The following METTL15 variants were observed in gnomAD, a reference collection of about 807,000 sequenced individuals.
METTL15 encodes 12S rRNA N(4)-cytidine methyltransferase METTL15.
Under a neutral mutation model 38.3 loss-of-function variants are expected in METTL15, and 34 were observed. The observed-to-expected ratio is 0.89, with a 90% confidence interval of 0.68 to 1.18. METTL15 has a LOEUF of 1.18. Ranked by LOEUF, METTL15 falls within the 50% of genes most tolerant of loss-of-function variation. METTL15 has a pLI of 0.00. For synonymous variants in METTL15, 162 were observed against 170.9 expected, an observed-to-expected ratio of 0.95 and a Z score of 0.41; for missense variants, 438 against 498.4, an observed-to-expected ratio of 0.88 and a Z score of 1.15.
intron 6 of METTL15, among the ~76,000 whole-genome samples, chr11:28,305,117 T>A (rs1039945876): frequency 1.3e-5 from 2 of 152,228 alleles, no homozygotes; most frequent in Non-Finnish European, 2.9e-5. Context: ...TGACATTTTT[T>A]AAGTAAACTT....
Position 28,240,668 on chromosome 11 carries a change from A to T in METTL15, c.407+29470A>T, listed in dbSNP as rs573474247. On this transcript the variant is annotated intron_variant, in intron 4 of 6. Coordinates refer to ENST00000407364, the MANE Select transcript of METTL15 (RefSeq NM_001113528.2). The stretch of plus-strand genomic sequence containing the variant: ...TAAAATATGCCTAATCTTTTAAATG[A>T]TTGATCTGCATTGATGTATTGGCAA... Among the ~76,000 whole-genome samples, 11 of 152,314 alleles carry T rather than the reference A, an allele frequency of 7.2e-5. No individual in the cohort carries two copies. In the East Asian group the frequency reaches 2.1e-3, roughly 29 times the overall value.
chr11:28,234,397 T>A (rs1490312918), intron 4 of METTL15, among the ~76,000 whole-genome samples: 1 of 149,804 alleles, frequency 6.7e-6, no homozygotes, highest in Non-Finnish European at 1.5e-5. Context: ...TCCAAAATGG[T>A]TGAACTAGTT....
intron 3 of METTL15, among the ~76,000 whole-genome samples, chr11:28,349,713 G>A (rs1229802159): frequency 6.6e-6 from 1 of 152,064 alleles, no homozygotes; most frequent in Non-Finnish European, 1.5e-5. Context: ...GTTTTAACAA[G>A]TATATTTACC....
chr11:28,430,081 C>G (rs1236757970), intron 6 of METTL15, among the ~76,000 whole-genome samples: 1 of 148,910 alleles, frequency 6.7e-6, no homozygotes, highest in Non-Finnish European at 1.5e-5. Flanking sequence ...CGTCTCTGCC[C>G]GGCCGCCCTG....
At chr11:28,202,892 A>G (rs1024349673) in intron 3 of METTL15, among the ~76,000 whole-genome samples, 6 of 152,258 alleles carry the variant, frequency 3.9e-5, no homozygotes, top group African/African-American at 1.4e-4. Flanking sequence ...ATCTGCCCTC[A>G]TACTGTTATG....
intron 3 of METTL15, among the ~76,000 whole-genome samples, chr11:28,350,538 A>T (rs1213861945): frequency 6.6e-6 from 1 of 152,182 alleles, no homozygotes; most frequent in Non-Finnish European, 1.5e-5. Context: ...TTATAAACAA[A>T]ATTACTTTGG....
At chr11:28,141,324 T>C (rs1849691806) in intron 3 of METTL15, among the ~76,000 whole-genome samples, 1 of 152,080 alleles carries the variant, frequency 6.6e-6, no homozygotes, top group Non-Finnish European at 1.5e-5. Flanking sequence ...TGGTATCAGG[T>C]GGTATGGCCG....
chr11:28,335,927 T>G (rs746147969), downstream of METTL15, among the ~76,000 whole-genome samples: 35 of 152,180 alleles, frequency 2.3e-4, no homozygotes, highest in Non-Finnish European at 1.9e-4. Context: ...GACTGAGACA[T>G]GCATGTAAAG....
chr11:28,313,166 T>C (rs1857366488), intron 6 of METTL15, among the ~76,000 whole-genome samples: 2 of 152,138 alleles, frequency 1.3e-5, no homozygotes, highest in Non-Finnish European at 1.5e-5. Context: ...ATTCTAAGCC[T>C]CTCTAAAATA....
At chr11:28,319,388 G>A (rs888589507) in intron 6 of METTL15, among the ~76,000 whole-genome samples, 11 of 151,544 alleles carry the variant, frequency 7.3e-5, no homozygotes, top group Admixed American at 2.0e-4. Context: ...ACCCAGAAAC[G>A]GAAAGAAGCT....
chr11:28,282,034 A>T (rs886820238), intron 4 of METTL15, among the ~76,000 whole-genome samples: 4 of 152,230 alleles, frequency 2.6e-5, no homozygotes, highest in Non-Finnish European at 5.9e-5. Flanking sequence ...CAGTTTTTAA[A>T]AAGTATTTCT....
At position 28,204,435 on chromosome 11, in the gene METTL15, CTTTTTTTTTTTTTTT is replaced by C. The variant is rs59729387; in HGVS notation, c.271-6615_271-6601del. On this transcript the variant is annotated intron_variant, in intron 3 of 6. Coordinates refer to ENST00000407364, the MANE Select transcript of METTL15 (RefSeq NM_001113528.2). ...ATTTTCTCTCTGCACCTGAGTTTTC[CTTTTTTTTTTTTTTT>C]TTTTTTTTTTTGTAAAAAGGGATAT... Among the ~76,000 whole-genome samples, 11 of 79,338 alleles carry C rather than the reference CTTTTTTTTTTTTTTT, an allele frequency of 1.4e-4. No individual in the cohort carries two copies. In the Admixed American group the frequency reaches 1.8e-3, roughly 13 times the overall value. The allele number at this position is 79,338 out of a possible 152,430, so 52.0% of individuals were successfully genotyped here. A position where few individuals can be genotyped will look rare whatever the true frequency, so the allele number is the denominator to read the frequency against.
intron 6 of METTL15, among the ~76,000 whole-genome samples, chr11:28,311,154 C>A (rs1179692744): frequency 6.6e-6 from 1 of 152,058 alleles, no homozygotes; most frequent in East Asian, 1.9e-4. Context: ...TCAGAAAGAG[C>A]AGCAATTAAA....
chr11:28,430,372 TGGG>T (rs1206350475), intron 6 of METTL15, among the ~76,000 whole-genome samples: 8 of 44,968 alleles, frequency 1.8e-4, no homozygotes, highest in African/African-American at 6.3e-4. Flanking sequence ...CGGGAGGAGG[TGGG>T]GGGGTCAGCC....
chr11:28,150,491 T>G (rs1429871811), intron 3 of METTL15, among the ~76,000 whole-genome samples: 1 of 151,800 alleles, frequency 6.6e-6, no homozygotes, highest in East Asian at 1.9e-4. Context: ...GAGGAGACAC[T>G]GAGAAGAAAA....
In METTL15 at chr11:28,176,987, A is replaced by C. The variant is rs1851100883; in HGVS notation, c.271-34075A>C. On this transcript the variant is annotated intron_variant, in intron 3 of 6. Coordinates refer to ENST00000407364, the MANE Select transcript of METTL15 (RefSeq NM_001113528.2). ...CAAAATTGAGAAGGCATAAGTTGAT[A>C]AACTTTTTGCCTTTCTTTTATAAAT... Among the ~76,000 whole-genome samples, 3 of 152,054 alleles carry C rather than the reference A, an allele frequency of 2.0e-5. No individual in the cohort carries two copies. In the South Asian group the frequency reaches 6.2e-4, roughly 31 times the overall value.
intron 6 of METTL15, among the ~76,000 whole-genome samples, chr11:28,430,009 G>A (rs980048092): frequency 0.018 from 2,359 of 128,064 alleles, 33 homozygotes; most frequent in Non-Finnish European, 0.027. Context: ...CTGCCCCGCC[G>A]CCCCATCTGG....
At chr11:28,194,168 C>CTTTCTTTCTTTCTTTCTTTCTT (rs1590136779) in intron 3 of METTL15, among the ~76,000 whole-genome samples, 1 of 82,358 alleles carries the variant, frequency 1.2e-5, no homozygotes, top group Non-Finnish European at 2.3e-5. Flanking sequence ...TTCTTTCTTT[C>CTTTCTTTCTTTCTTTCTTTCTT]TTTCTTTTTC....
intron 5 of METTL15, among the ~76,000 whole-genome samples, chr11:28,395,849 A>G (rs957631040): frequency 1.5e-3 from 230 of 152,328 alleles, no homozygotes; most frequent in Non-Finnish European, 2.3e-3. Flanking sequence ...AATCCTCAAT[A>G]ACATACTGGC....
Sources: allele counts gnomAD v4.1 joint callset (sites outside exome capture counted in the v4.1 genomes callset), GRCh38; gene constraint gnomAD v4.1.1; transcripts MANE v1.5; gene names NCBI Gene and HGNC (gene_info 2026-07-23, HGNC 2026-07-21).